The following WDR49 variants were observed in gnomAD, a reference collection of about 807,000 sequenced individuals.
The protein encoded by WDR49 is WD repeat domain 49.
WDR49 carries 107 observed loss-of-function variants against 119.5 expected under a neutral mutation model. The observed-to-expected ratio is 0.90, with a 90% CI of 0.77 to 1.05. WDR49 has a LOEUF of 1.05. Among genes scored for constraint, WDR49 ranks in the 50% least tolerant of loss-of-function variants. WDR49 has a pLI of 0.00. For synonymous variants in WDR49, 425 were observed against 418.8 expected (o/e 1.01, Z -0.18); for missense variants, 1,240 against 1,220.5 (o/e 1.02, Z -0.24).
At chr3:167,546,691 CAA>C (rs577403777) in intron 10 of WDR49, among the ~76,000 whole-genome samples, 188 of 90,880 alleles carry the variant, frequency 2.1e-3, no homozygotes, top group African/African-American at 4.3e-3. Context: ...CTGTCAAGTG[CAA>C]AAAAAAAAAA....
chr3:167,541,351 T>C (rs1711814264), intron 10 of WDR49, among the ~76,000 whole-genome samples: 1 of 152,184 alleles, frequency 6.6e-6, no homozygotes, highest in Non-Finnish European at 1.5e-5. Context: ...ACAGTAGATT[T>C]CTCAGCAGAA....
At chr3:167,557,112 A>G (rs1237458321) in intron 9 of WDR49, among the ~76,000 whole-genome samples, 1 of 151,992 alleles carries the variant, frequency 6.6e-6, no homozygotes, top group Non-Finnish European at 1.5e-5. Flanking sequence ...GCGGAGAATC[A>G]CTTGAACCTG....
At chr3:167,540,601 A>C (rs564225433) in intron 10 of WDR49, among the ~76,000 whole-genome samples, 1 of 152,312 alleles carries the variant, frequency 6.6e-6, no homozygotes, top group East Asian at 1.9e-4. Flanking sequence ...CTGAATGAGA[A>C]GGAATCAGAA....
intron 10 of WDR49, among the ~76,000 whole-genome samples, chr3:167,544,904 A>G (rs1234253234): frequency 1.3e-5 from 2 of 152,036 alleles, no homozygotes; most frequent in Admixed American, 6.6e-5. Context: ...GAGTAAACAG[A>G]CAATCCATAG....
Position 167,620,494 on chromosome 3 carries a change from G to C in WDR49, c.893C>G (p.Ser298Cys). 1 of 1,536,084 alleles carries C rather than the reference G, an allele frequency of 6.5e-7. No homozygotes were observed. The highest frequency in any genetic ancestry group is 8.7e-7 in the Non-Finnish European group (1 of 1,146,750). ...TMTINWAELL[S>C]GCHKCCHILE... ...TATATGGCAACATTTGTGACATCCAGAGAGCAGCTCTGCCCAGTTAATGGT... is the reference window on the plus strand; with the variant it reads ...TATATGGCAACATTTGTGACATCCACAGAGCAGCTCTGCCCAGTTAATGGT... The change falls in exon 5 of 19, where the codon TCT (serine) becomes TGT (cysteine). Residue 298 changes from serine (S) to cysteine (C), a missense_variant. Ser to Cys is a moderately radical substitution (Grantham distance 112). Transcript: ENST00000682715.
chr3:167,643,881 C>A (rs1029037542), intron 2 of WDR49, among the ~76,000 whole-genome samples: 4 of 151,536 alleles, frequency 2.6e-5, no homozygotes, highest in Admixed American at 2.6e-4. Context: ...GAATGATGGC[C>A]AAGATTATAG....
intron 7 of WDR49, among the ~76,000 whole-genome samples, chr3:167,587,057 T>C (rs1170117886): frequency 1.3e-5 from 2 of 152,172 alleles, no homozygotes; most frequent in African/African-American, 2.4e-5. Flanking sequence ...GCCCCTAACC[T>C]TATGAATCCT....
intron 18 of WDR49, among the ~76,000 whole-genome samples, chr3:167,491,529 A>C (rs1319882408): frequency 6.6e-6 from 1 of 152,094 alleles, no homozygotes; most frequent in Non-Finnish European, 1.5e-5. Flanking sequence ...TGTTTAATGA[A>C]CTTTCTCCGT....
chr3:167,498,280 A>C (rs903350274), intron 18 of WDR49, among the ~76,000 whole-genome samples: 3 of 152,210 alleles, frequency 2.0e-5, no homozygotes, highest in African/African-American at 7.2e-5. Context: ...AATTGAGCTT[A>C]TTGAAGTAAA....
At chr3:167,579,825 T>C (rs1714444562) in intron 7 of WDR49, among the ~76,000 whole-genome samples, 1 of 152,156 alleles carries the variant, frequency 6.6e-6, no homozygotes, top group African/African-American at 2.4e-5. Flanking sequence ...CAAATACTCA[T>C]ATTACTAATG....
intron 7 of WDR49, among the ~76,000 whole-genome samples, chr3:167,601,065 G>A (rs1174727780): frequency 6.6e-6 from 1 of 152,150 alleles, no homozygotes. Flanking sequence ...TCTGAAAATA[G>A]AGAGATATAT....
intron 10 of WDR49, among the ~76,000 whole-genome samples, chr3:167,539,109 T>G (rs1269348740): frequency 6.6e-6 from 1 of 152,162 alleles, no homozygotes; most frequent in Non-Finnish European, 1.5e-5. Context: ...AGTGTTAATT[T>G]TGCTCAAAAA....
chr3:167,490,339 T>C (rs1169246132), intron 18 of WDR49, among the ~76,000 whole-genome samples: 2 of 152,118 alleles, frequency 1.3e-5, no homozygotes, highest in African/African-American at 2.4e-5. Context: ...TAATTTAGTG[T>C]TATGTAAATA....
At chr3:167,653,162 G>C in intron 2 of WDR49, 99 bp downstream of exon 2, 1 of 1,291,960 alleles carries the variant, frequency 7.7e-7, no homozygotes. Context: ...TAACAATTAA[G>C]TGTATTTTTT....
chr3:167,626,556 A>G (rs2108326840), intron 3 of WDR49, among the ~76,000 whole-genome samples: 1 of 152,162 alleles, frequency 6.6e-6, no homozygotes, highest in African/African-American at 2.4e-5. Flanking sequence ...GCACTATAAT[A>G]GCCTCTCAGC....
chr3:167,500,105 A>C, intron 18 of WDR49, 48 bp downstream of exon 18: 2 of 1,480,930 alleles, frequency 1.4e-6, no homozygotes, highest in Non-Finnish European at 1.8e-6. Flanking sequence ...TAAATGACTA[A>C]GTTTCCTGAA....
chr3:167,652,932 T>A (rs1329806246), intron 2 of WDR49, among the ~76,000 whole-genome samples: 2 of 152,228 alleles, frequency 1.3e-5, no homozygotes, highest in African/African-American at 4.8e-5. Context: ...AGATCTGGCT[T>A]TCTTCACTCA....
At chr3:167,524,742 T>C (rs1213446157) in intron 15 of WDR49, among the ~76,000 whole-genome samples, 1 of 152,148 alleles carries the variant, frequency 6.6e-6, no homozygotes, top group Non-Finnish European at 1.5e-5. Flanking sequence ...TTATGAGGCC[T>C]CTGTTCTATT....
At chr3:167,654,768 G>T (rs185191651), upstream of WDR49, among the ~76,000 whole-genome samples, 15 of 152,038 alleles carry the variant, frequency 9.9e-5, no homozygotes, top group East Asian at 5.8e-4. Context: ...GCATGGTGGC[G>T]CACACCTGTG....
Sources: allele counts gnomAD v4.1 joint callset (sites outside exome capture counted in the v4.1 genomes callset), GRCh38; gene constraint gnomAD v4.1.1; transcripts MANE v1.5; gene names NCBI Gene and HGNC (gene_info 2026-07-23, HGNC 2026-07-21).